Variants in PLEKHH2 observed in about 807,000 individuals in gnomAD.
The protein encoded by PLEKHH2 is pleckstrin homology domain-containing family H member 2.
PLEKHH2 carries 129 observed loss-of-function variants against 187.9 expected under a neutral mutation model. The ratio of observed to expected loss-of-function variants is 0.69; its 90% CI spans 0.59 to 0.79. The LOEUF (loss-of-function observed/expected upper bound fraction) is 0.79, where lower values mean the gene tolerates loss of function less well. Among genes scored for constraint, PLEKHH2 ranks in the 30% least tolerant of loss-of-function variants. PLEKHH2 has a pLI of 0.00. For missense variants in PLEKHH2, 2,076 were observed against 1,751.2 expected, an observed-to-expected ratio of 1.19 and a Z score of -3.31; for synonymous variants, 686 against 605.6, an observed-to-expected ratio of 1.13 and a Z score of -1.95.
chr2:43,640,903 A>G (rs1467384238), intron 1 of PLEKHH2, among the ~76,000 whole-genome samples: 1 of 148,136 alleles, frequency 6.8e-6, no homozygotes, highest in Non-Finnish European at 1.5e-5. Context: ...TCCTGCCTCA[A>G]CCCCCAAGTA....
intron 7 of PLEKHH2, 44 bp from the exon 8 acceptor site, chr2:43,699,602 TA>T: frequency 6.4e-7 from 1 of 1,565,122 alleles, no homozygotes; most frequent in Non-Finnish European, 8.6e-7. Context: ...ACAGAAAGAT[TA>T]TATTCTTAAA....
In PLEKHH2 at chr2:43,644,808, C is replaced by A. The variant is rs1164191094; in HGVS notation, c.123+12C>A. On this transcript the variant is annotated intron_variant, in intron 2 of 29. Coordinates refer to ENST00000282406, the MANE Select transcript of PLEKHH2 (RefSeq NM_172069.4). The stretch of plus-strand genomic sequence containing the variant: ...TTTTAGCAGAGAAGGTAAGCTTTCT[C>A]CCTAAGCTTTGTTATTAAATGTCAG... 8.2e-6 allele frequency: 13 copies of A among 1,594,018 alleles called. No homozygotes were observed. Among genetic ancestry groups the A allele is most frequent in the Non-Finnish European group, 9.4e-6 (11 of 1,171,096 alleles).
intron 2 of PLEKHH2, among the ~76,000 whole-genome samples, chr2:43,677,772 T>C (rs1405387398): frequency 1.4e-5 from 2 of 139,638 alleles, no homozygotes; most frequent in Non-Finnish European, 3.1e-5. Context: ...CCAGTAGGGG[T>C]GGCTGGGCAG....
chr2:43,673,653 C>G (rs1189953070), intron 2 of PLEKHH2, among the ~76,000 whole-genome samples: 1 of 152,098 alleles, frequency 6.6e-6, no homozygotes, highest in Admixed American at 6.5e-5. Flanking sequence ...TCATTGAACA[C>G]CTGTTAAGTA....
chr2:43,753,722 A>G lies in PLEKHH2; in HGVS notation c.3757A>G (p.Lys1253Glu), dbSNP rs766520971. 1.3e-6 allele frequency: 2 copies of G among 1,583,506 alleles called. No homozygotes were observed. Among genetic ancestry groups the G allele is most frequent in the Admixed American group, 1.9e-5 (1 of 53,588 alleles). Residue 1253 changes from lysine to glutamate, a missense_variant, in exon 25 of 30, where the codon AAA (lysine) becomes GAA (glutamate). Coordinates refer to ENST00000282406, the MANE Select transcript of PLEKHH2 (RefSeq NM_172069.4). ...QIINGLFPLN[K>E]DLALEMAALL... ...CATAAATGGACTTTTTCCTCTGAACAAAGATCTGGCATTAGAAATGGCAGC... is the reference window on the plus strand; with the variant it reads ...CATAAATGGACTTTTTCCTCTGAACGAAGATCTGGCATTAGAAATGGCAGC...
At chr2:43,645,997 A>C (rs1272751808) in intron 2 of PLEKHH2, among the ~76,000 whole-genome samples, 1 of 152,150 alleles carries the variant, frequency 6.6e-6, no homozygotes. Context: ...ATTCAGCAAA[A>C]CATCATTAAG....
intron 3 of PLEKHH2, chr2:43,681,477 T>C: frequency 1.9e-6 from 3 of 1,546,096 alleles, no homozygotes; most frequent in Non-Finnish European, 2.6e-6. Flanking sequence ...TTTTCCATCA[T>C]CTTCTCTTTC....
At chr2:43,693,495 G>A (rs1668924782) in intron 4 of PLEKHH2, among the ~76,000 whole-genome samples, 1 of 152,102 alleles carries the variant, frequency 6.6e-6, no homozygotes, top group South Asian at 2.1e-4. Flanking sequence ...GGAGGCCAAG[G>A]CAGGTGGATC....
intron 2 of PLEKHH2, among the ~76,000 whole-genome samples, chr2:43,654,713 C>A (rs1459790112): frequency 1.5e-5 from 2 of 131,716 alleles, no homozygotes; most frequent in Admixed American, 7.5e-5. Flanking sequence ...CACCCCCCCC[C>A]CCCGCATCTC....
At chr2:43,749,063 A>C (rs946835690) in intron 24 of PLEKHH2, among the ~76,000 whole-genome samples, 1 of 152,338 alleles carries the variant, frequency 6.6e-6, no homozygotes, top group African/African-American at 2.4e-5. Flanking sequence ...AGCCAAGACT[A>C]TTCCTAATAA....
intron 9 of PLEKHH2, among the ~76,000 whole-genome samples, chr2:43,704,662 T>TAAAAAAAAAAAAAAAAAAAAAAAAAAA (rs70965318): frequency 1.2e-5 from 1 of 84,292 alleles, no homozygotes; most frequent in East Asian, 2.8e-4. Context: ...GATTCTGTCT[T>TAAAAAAAAAAAAAAAAAAAAAAAAAAA]AAAAAAAAAA....
intron 24 of PLEKHH2, among the ~76,000 whole-genome samples, chr2:43,747,264 G>T (rs1326733099): frequency 1.3e-5 from 2 of 151,656 alleles, no homozygotes. Context: ...GACTATTGTT[G>T]GGCATATCCT....
chr2:43,691,440 C>T (rs1668788262), intron 3 of PLEKHH2, among the ~76,000 whole-genome samples: 1 of 152,120 alleles, frequency 6.6e-6, no homozygotes. Context: ...CAAAAGTGGG[C>T]ATGATAGTTT....
At chr2:43,705,588 G>C (rs1297297723) in intron 9 of PLEKHH2, among the ~76,000 whole-genome samples, 2 of 152,036 alleles carry the variant, frequency 1.3e-5, no homozygotes, top group African/African-American at 2.4e-5. Flanking sequence ...TTCAACATCA[G>C]ATTTACCTGA....
At chr2:43,693,427 G>T (rs373842462) in intron 4 of PLEKHH2, among the ~76,000 whole-genome samples, 22 of 152,188 alleles carry the variant, frequency 1.4e-4, no homozygotes, top group East Asian at 1.4e-3. Context: ...CACTTTATTG[G>T]AATCAAGTAA....
intron 21 of PLEKHH2, among the ~76,000 whole-genome samples, 193 bp from the exon 22 acceptor site, chr2:43,742,548 G>C (rs2104597861): frequency 6.6e-6 from 1 of 152,144 alleles, no homozygotes; most frequent in East Asian, 1.9e-4. Flanking sequence ...GTTTGAGTGA[G>C]GCAGTTACAA....
rs1173489231 is a variant in PLEKHH2 at position 43,712,218 on chromosome 2, A to C, written c.2302-7A>C. 1 of 1,611,252 alleles carries C rather than the reference A, an allele frequency of 6.2e-7. No individual in the cohort carries two copies. The highest frequency in any genetic ancestry group is 8.5e-7 in the Non-Finnish European group (1 of 1,177,404). On this transcript the variant is annotated splice_region_variant and splice_polypyrimidine_tract_variant and intron_variant, in intron 14 of 29. Transcript: ENST00000282406. Reference sequence around the variant, plus strand: ...TTCTTTCCTATACCTTTCTCGTTGCATTCTAGTTGACCACTGAAAAACACA... The same window carrying C: ...TTCTTTCCTATACCTTTCTCGTTGCCTTCTAGTTGACCACTGAAAAACACA...
intron 3 of PLEKHH2, among the ~76,000 whole-genome samples, chr2:43,686,846 T>C (rs2104450605): frequency 6.6e-6 from 1 of 152,294 alleles, no homozygotes; most frequent in East Asian, 1.9e-4. Flanking sequence ...TAAAAAGATA[T>C]TTTATAAACA....
At chr2:43,719,748 C>T (rs1043716736) in intron 15 of PLEKHH2, among the ~76,000 whole-genome samples, 4 of 152,144 alleles carry the variant, frequency 2.6e-5, no homozygotes, top group African/African-American at 9.7e-5. Context: ...TTCATCTTCT[C>T]ACTTCTAATG....
Sources: allele counts gnomAD v4.1 joint callset (sites outside exome capture counted in the v4.1 genomes callset), GRCh38; gene constraint gnomAD v4.1.1; transcripts MANE v1.5; gene names NCBI Gene and HGNC (gene_info 2026-07-23, HGNC 2026-07-21).